Variants in PDE4C observed in about 807,000 individuals in gnomAD.
PDE4C encodes phosphodiesterase 4C, also known as 3',5'-cyclic-AMP phosphodiesterase 4C.
A neutral mutation model predicts 63.9 loss-of-function variants in PDE4C; 50 were observed. The observed-to-expected ratio is 0.78, with a 90% CI of 0.62 to 0.99. PDE4C has a LOEUF of 0.99. PDE4C is among the 50% of genes least tolerant of loss of function. The pLI, the probability that PDE4C is intolerant of heterozygous loss-of-function variation, is 0.00. For synonymous variants in PDE4C, 377 were observed against 385.1 expected (o/e 0.98, Z 0.25); for missense variants, 777 against 899.1 (o/e 0.86, Z 1.74).
rs567759828 is a variant in PDE4C, at chr19:18,220,995, C to T, written c.450-72G>A. On this transcript the variant is annotated intron_variant, in intron 4 of 14. Transcript: ENST00000262805. This position sits in a 1 kb window ranked among gnomAD's most constrained non-coding sequence, Gnocchi z 5.1. ...CGCCCCCAAGTCCACCAGGCCCCGCCCCTCAAACCCACCTGGAGGCGCCGG... is the reference window on the plus strand; with the variant it reads ...CGCCCCCAAGTCCACCAGGCCCCGCTCCTCAAACCCACCTGGAGGCGCCGG... The T allele has an allele frequency of 2.6e-3, 3,977 of 1,551,492 alleles. 26 individuals carry two copies. The highest frequency in any genetic ancestry group is 6.9e-3 in the South Asian group (583 of 85,032).
upstream of PDE4C, among the ~76,000 whole-genome samples, chr19:18,252,808 T>C (rs1261243259): frequency 6.6e-6 from 1 of 152,160 alleles, no homozygotes; most frequent in African/African-American, 2.4e-5. Flanking sequence ...AGTTTCACTG[T>C]GCTGGCCAGA....
chr19:18,210,716 G>A, exon 15 of PDE4C: 1 of 646,506 alleles, frequency 1.5e-6, no homozygotes, highest in Non-Finnish European at 2.4e-6. Flanking sequence ...CCCTTAGAGA[G>A]CTCTTTTAGG....
chr19:18,249,009 G>T (rs1969189903), upstream of PDE4C, among the ~76,000 whole-genome samples: 1 of 141,936 alleles, frequency 7.0e-6, no homozygotes, highest in Admixed American at 7.3e-5. Context: ...TGGGCAACAA[G>T]AGCGAAACTC....
chr19:18,243,195 T>C (rs1040885350), intron 1 of PDE4C, among the ~76,000 whole-genome samples: 1 of 152,072 alleles, frequency 6.6e-6, no homozygotes, highest in Non-Finnish European at 1.5e-5. Flanking sequence ...CTGCAACCTC[T>C]GCCTCCCATT....
intron 1 of PDE4C, among the ~76,000 whole-genome samples, chr19:18,247,575 C>T (rs1034749450): frequency 2.2e-4 from 33 of 152,196 alleles, no homozygotes; most frequent in Admixed American, 5.2e-4. Context: ...GGATTGCAGG[C>T]GTGAGCCACC....
intron 1 of PDE4C, among the ~76,000 whole-genome samples, chr19:18,232,582 A>T (rs978793395): frequency 3.3e-5 from 5 of 152,054 alleles, no homozygotes; most frequent in Admixed American, 6.6e-5. Flanking sequence ...AGGCACCACA[A>T]GGGGAGACAC....
intron 1 of PDE4C, chr19:18,224,620 G>C (rs555937324): frequency 5.4e-5 from 34 of 624,686 alleles, no homozygotes; most frequent in Non-Finnish European, 6.4e-5. Flanking sequence ...GGTCTGCTTC[G>C]AACAAGTCCG....
chr19:18,224,743 C>A (rs1036887749), intron 1 of PDE4C, among the ~76,000 whole-genome samples: 5 of 152,218 alleles, frequency 3.3e-5, no homozygotes. Flanking sequence ...CCGACTCCAG[C>A]GGGTTTAGCA....
At chr19:18,244,298 TTTG>T (rs1196392599) in intron 1 of PDE4C, among the ~76,000 whole-genome samples, 2 of 151,370 alleles carry the variant, frequency 1.3e-5, no homozygotes, top group Admixed American at 6.6e-5. Context: ...TTTGTTTTGT[TTTG>T]TTTTTTTTTT....
In PDE4C at chr19:18,213,348, G is replaced by A; in HGVS notation, c.1512+20C>T. 2 of 1,605,806 alleles carry A rather than the reference G, an allele frequency of 1.2e-6. No homozygotes were observed. The highest frequency in any genetic ancestry group is 2.2e-5 in the South Asian group (2 of 89,802). On this transcript the variant is annotated intron_variant, in intron 13 of 14. Transcript: ENST00000262805. Reference sequence around the variant, plus strand: ...ACCAAAATTTAAAAAGGAAGCCCCAGTGCCCATCCAGCTACACACCTGGAT... The same window carrying A: ...ACCAAAATTTAAAAAGGAAGCCCCAATGCCCATCCAGCTACACACCTGGAT...
At chr19:18,211,096 A>AGGC in exon 15 of PDE4C, 2 of 1,613,996 alleles carry the variant, frequency 1.2e-6, no homozygotes, top group Non-Finnish European at 1.7e-6. Context: ...GTCAGTTCAA[A>AGGC]CTGGAATCTG....
At chr19:18,232,746 G>T (rs1036335058) in intron 1 of PDE4C, among the ~76,000 whole-genome samples, 2 of 151,966 alleles carry the variant, frequency 1.3e-5, no homozygotes, top group South Asian at 4.1e-4. Context: ...GGGCACACCC[G>T]GTCACACAGA....
intron 10 of PDE4C, 36 bp from the exon 11 acceptor site, chr19:18,218,284 G>T: frequency 6.2e-7 from 1 of 1,613,402 alleles, no homozygotes; most frequent in Non-Finnish European, 8.5e-7. Flanking sequence ...TGAGGGGCGG[G>T]TTCTCTGGGC....
exon 12 of PDE4C, chr19:18,216,832 C>T (rs1265708350): frequency 6.2e-6 from 10 of 1,614,140 alleles, no homozygotes; most frequent in Non-Finnish European, 8.5e-6. Context: ...CAGCTTGAAG[C>T]CCACAGCCAG....
chr19:18,216,876 C>T (rs368759869), exon 12 of PDE4C: 16 of 1,613,320 alleles, frequency 9.9e-6, no homozygotes, highest in Non-Finnish European at 1.4e-5. Flanking sequence ...CGTCGTTGTA[C>T]ATAAGCGCCA....
upstream of PDE4C, chr19:18,252,162 CT>C: frequency 2.5e-6 from 1 of 399,088 alleles, no homozygotes; most frequent in South Asian, 1.3e-4. Flanking sequence ...GGATTCGGAA[CT>C]GGGGAGGGTG....
intron 12 of PDE4C, among the ~76,000 whole-genome samples, chr19:18,215,735 G>A (rs950174148): frequency 4.0e-5 from 6 of 151,792 alleles, no homozygotes; most frequent in Non-Finnish European, 8.8e-5. Context: ...GGATGGTCTT[G>A]ATCTCTTGAC....
chr19:18,233,289 A>G (rs961619306), exon 1 of PDE4C: 41 of 1,502,640 alleles, frequency 2.7e-5, no homozygotes, highest in Non-Finnish European at 3.4e-5. Context: ...CAGGGCCGGG[A>G]GTGGAGGCGA....
exon 1 of PDE4C, chr19:18,233,511 G>C (rs1439717403): frequency 4.9e-6 from 3 of 612,352 alleles, no homozygotes; most frequent in Non-Finnish European, 9.2e-6. Flanking sequence ...GTCCCCTATA[G>C]CGCTGCATGG....
Sources: gnomAD v4.1 joint callset for allele counts (sites outside exome capture counted in the v4.1 genomes callset) on GRCh38, gnomAD v4.1.1 for gene constraint, Gnocchi (gnomAD v3.1) non-coding constraint, MANE v1.5 for transcripts, NCBI Gene and HGNC (gene_info 2026-07-23, HGNC 2026-07-21) for gene names.